SEMA3D: variants seen among roughly 807,000 people sequenced by gnomAD.
SEMA3D encodes the protein semaphorin-3D.
Under a neutral mutation model 100.1 loss-of-function variants are expected in SEMA3D, and 84 were observed. That is an observed-to-expected ratio of 0.84 (90% CI 0.70 to 1.01). The LOEUF (loss-of-function observed/expected upper bound fraction) is 1.01, where lower values mean the gene tolerates loss of function less well. Among genes scored for constraint, SEMA3D ranks in the 50% least tolerant of loss-of-function variants. SEMA3D has a pLI of 0.00. For missense variants in SEMA3D, 875 were observed against 934.1 expected, an observed-to-expected ratio of 0.94 and a Z score of 0.82; for synonymous variants, 312 against 320.7, an observed-to-expected ratio of 0.97 and a Z score of 0.29.
intron 3 of SEMA3D, among the ~76,000 whole-genome samples, chr7:85,115,463 T>G (rs1261180513): frequency 6.6e-6 from 1 of 152,208 alleles, no homozygotes; most frequent in Non-Finnish European, 1.5e-5. Context: ...GATGTTTGCA[T>G]TACCCACGTT....
chr7:85,195,925 G>A, the SEMA3D span, among the ~76,000 whole-genome samples: 1 of 152,138 alleles, frequency 6.6e-6, no homozygotes. Flanking sequence ...TTCAGTAAGT[G>A]ATCACATAGT....
At chr7:85,212,922 T>C in the SEMA3D span, among the ~76,000 whole-genome samples, 9 of 152,044 alleles carry the variant, frequency 5.9e-5, no homozygotes, top group Non-Finnish European at 1.3e-4. Flanking sequence ...GATTGAATGG[T>C]ACACTTAGCT....
the SEMA3D span, among the ~76,000 whole-genome samples, chr7:85,243,706 C>T: frequency 6.6e-6 from 1 of 152,130 alleles, no homozygotes; most frequent in African/African-American, 2.4e-5. Flanking sequence ...ATGGAATCTT[C>T]CACGTGAAAT....
At chr7:85,074,047 C>G (rs141467907) in intron 5 of SEMA3D, among the ~76,000 whole-genome samples, 1 of 152,256 alleles carries the variant, frequency 6.6e-6, no homozygotes, top group East Asian at 1.9e-4. Flanking sequence ...AAGTGATACT[C>G]TATCTTTACA....
At chr7:85,067,293 G>GT (rs1004170988) in intron 7 of SEMA3D, among the ~76,000 whole-genome samples, 6 of 152,076 alleles carry the variant, frequency 3.9e-5, no homozygotes, top group African/African-American at 9.6e-5. Flanking sequence ...GTTTTGTTTT[G>GT]TTTTTTTATT....
intron 2 of SEMA3D, 89 bp from the exon 3 acceptor site, chr7:85,122,020 A>G (rs1789432877): frequency 3.2e-6 from 2 of 630,846 alleles, no homozygotes; most frequent in Admixed American, 3.5e-5. Flanking sequence ...TCTCACTCTT[A>G]AGTGGGAGTT....
At chr7:85,206,976 TA>T in the SEMA3D span, among the ~76,000 whole-genome samples, 2 of 152,126 alleles carry the variant, frequency 1.3e-5, no homozygotes, top group Non-Finnish European at 2.9e-5. Context: ...ACAGATTTAA[TA>T]AGGAATTTGA....
In SEMA3D at chr7:84,995,593, A is replaced by G. The variant is rs1480493921; in HGVS notation, c.*3847T>C. The G allele has an allele frequency of 2.0e-5, 3 of 152,114 alleles. No individual in the cohort carries two copies. Among genetic ancestry groups the G allele is most frequent in the South Asian group, 2.1e-4 (1 of 4,834 alleles). 9.4% of individuals were successfully genotyped at this position (152,114 alleles called of 1,614,324 possible). ...AACAGTCATGTTTGCATTTTATTAT[A>G]ATACAACCAAAATATACATTTAACA... On this transcript the variant is annotated 3_prime_UTR_variant, in exon 19 of 19. Coordinates refer to ENST00000284136, the MANE Select transcript of SEMA3D (RefSeq NM_001384900.1).
intron 1 of SEMA3D, among the ~76,000 whole-genome samples, chr7:85,168,356 T>C (rs1047761989): frequency 2.0e-5 from 3 of 151,884 alleles, no homozygotes; most frequent in Admixed American, 2.0e-4. Flanking sequence ...TATCAATGTA[T>C]GACCTATTTT....
chr7:85,040,448 T>C (rs1430696348), intron 11 of SEMA3D, among the ~76,000 whole-genome samples: 1 of 152,034 alleles, frequency 6.6e-6, no homozygotes, highest in Non-Finnish European at 1.5e-5. Flanking sequence ...TTAAATAACT[T>C]GTGGTAATCA....
chr7:85,124,147 G>A (rs1789503762), intron 2 of SEMA3D, among the ~76,000 whole-genome samples: 1 of 151,874 alleles, frequency 6.6e-6, no homozygotes, highest in Admixed American at 6.6e-5. Flanking sequence ...CTGATCTACA[G>A]AAAAAAATTT....
intron 1 of SEMA3D, among the ~76,000 whole-genome samples, chr7:85,174,962 A>G (rs1313186615): frequency 6.6e-6 from 1 of 152,110 alleles, no homozygotes; most frequent in Non-Finnish European, 1.5e-5. Context: ...CTAATACACT[A>G]TCAAAGCACA....
At chr7:85,170,876 G>A (rs1303431042) in intron 1 of SEMA3D, among the ~76,000 whole-genome samples, 1 of 151,938 alleles carries the variant, frequency 6.6e-6, no homozygotes, top group Non-Finnish European at 1.5e-5. Context: ...CTGGTGAGAA[G>A]ACATCAAAAC....
intron 9 of SEMA3D, among the ~76,000 whole-genome samples, chr7:85,044,252 T>G (rs192535131): frequency 6.6e-6 from 1 of 152,052 alleles, no homozygotes; most frequent in East Asian, 1.9e-4. Context: ...ATAAATACTA[T>G]GCTTGAAGAA....
At chr7:85,073,339 C>T (rs538484428) in intron 5 of SEMA3D, among the ~76,000 whole-genome samples, 47 of 152,110 alleles carry the variant, frequency 3.1e-4, no homozygotes, top group African/African-American at 1.1e-3. Context: ...AATTAGAATG[C>T]AAGTCTATAG....
chr7:85,144,376 A>C, intron 2 of SEMA3D: 1 of 676,168 alleles, frequency 1.5e-6, no homozygotes, highest in Non-Finnish European at 1.8e-6. Context: ...TAAATTAAAT[A>C]ACATAAAAGT....
chr7:85,168,873 GAAA>G (rs1562843181), intron 1 of SEMA3D, among the ~76,000 whole-genome samples: 8 of 133,526 alleles, frequency 6.0e-5, no homozygotes, highest in Non-Finnish European at 1.1e-4. Context: ...AAGAAAGAAA[GAAA>G]GAAAAGAAAG....
At chr7:85,215,119 T>A in the SEMA3D span, among the ~76,000 whole-genome samples, 6 of 124,998 alleles carry the variant, frequency 4.8e-5, no homozygotes, top group Admixed American at 4.6e-4. Flanking sequence ...CTTTCTTTCT[T>A]TTTTTTTTTT....
At chr7:85,042,517 G>T (rs1436147786) in intron 9 of SEMA3D, among the ~76,000 whole-genome samples, 10 of 152,130 alleles carry the variant, frequency 6.6e-5, no homozygotes, top group Non-Finnish European at 1.0e-4. Flanking sequence ...AGCTCTATTG[G>T]ATGAGTAGAT....
Sources: gnomAD v4.1 joint callset for allele counts (sites outside exome capture counted in the v4.1 genomes callset) on GRCh38, gnomAD v4.1.1 for gene constraint, MANE v1.5 for transcripts, NCBI Gene and HGNC (gene_info 2026-07-23, HGNC 2026-07-21) for gene names.